Variants in BICC1 observed in about 807,000 individuals in gnomAD.
BICC1 encodes protein bicaudal C homolog 1.
A neutral mutation model predicts 111.0 loss-of-function variants in BICC1; 43 were observed. The ratio of observed to expected loss-of-function variants is 0.39; its 90% confidence interval spans 0.30 to 0.50. The LOEUF (loss-of-function observed/expected upper bound fraction) is 0.50, where lower values mean the gene tolerates loss of function less well. Ranked by LOEUF, BICC1 falls within the 20% of genes least tolerant of loss-of-function variation. The pLI is 0.88. For missense variants in BICC1, 1,091 were observed against 1,203.2 expected (o/e 0.91, Z 1.38); for synonymous variants, 467 against 434.4 (o/e 1.07, Z -0.93).
At chr10:58,651,875 A>G (rs1339530818) in intron 2 of BICC1, among the ~76,000 whole-genome samples, 1 of 152,176 alleles carries the variant, frequency 6.6e-6, no homozygotes, top group Non-Finnish European at 1.5e-5. Context: ...AAAGGTAGAC[A>G]TGATTAAGTA....
chr10:58,724,912 G>A (rs1841054696), intron 3 of BICC1, among the ~76,000 whole-genome samples: 1 of 152,192 alleles, frequency 6.6e-6, no homozygotes, highest in Non-Finnish European at 1.5e-5. Context: ...GAGTTCCTGA[G>A]GATCTCATTG....
intron 11 of BICC1, among the ~76,000 whole-genome samples, chr10:58,798,814 C>T (rs1843442188): frequency 6.6e-6 from 1 of 152,050 alleles, no homozygotes; most frequent in Non-Finnish European, 1.5e-5. Flanking sequence ...GTTGGAGTAA[C>T]TTGCTGGTAG....
intron 1 of BICC1, among the ~76,000 whole-genome samples, chr10:58,585,851 C>T (rs1263787125): frequency 1.3e-5 from 2 of 151,958 alleles, no homozygotes; most frequent in Non-Finnish European, 2.9e-5. Flanking sequence ...GATGACGTAC[C>T]TTCAGAGAGG....
chr10:58,605,214 T>C (rs557325662), intron 1 of BICC1, among the ~76,000 whole-genome samples: 1 of 152,144 alleles, frequency 6.6e-6, no homozygotes, highest in Non-Finnish European at 1.5e-5. Flanking sequence ...TCACGTAATA[T>C]ATACGCATAG....
At chr10:58,747,349 T>A (rs1398752774) in intron 3 of BICC1, among the ~76,000 whole-genome samples, 1 of 152,088 alleles carries the variant, frequency 6.6e-6, no homozygotes, top group Non-Finnish European at 1.5e-5. Context: ...ATCTTTGTAT[T>A]TAAAAAAATA....
intron 1 of BICC1, among the ~76,000 whole-genome samples, chr10:58,514,919 T>C (rs938960339): frequency 3.1e-4 from 47 of 152,222 alleles, no homozygotes; most frequent in African/African-American, 1.0e-3. Flanking sequence ...TAGTAGCACA[T>C]ACTCATCCTT....
At chr10:58,651,397 G>A (rs970076639) in intron 2 of BICC1, among the ~76,000 whole-genome samples, 4 of 152,192 alleles carry the variant, frequency 2.6e-5, no homozygotes, top group African/African-American at 9.6e-5. Flanking sequence ...CTTCATACCA[G>A]CAGCATCTGT....
chr10:58,663,795 G>C (rs982796668), intron 2 of BICC1, among the ~76,000 whole-genome samples: 1 of 152,200 alleles, frequency 6.6e-6, no homozygotes, highest in Non-Finnish European at 1.5e-5. Context: ...AAAGGTTGGA[G>C]ATGGTTGGTT....
At chr10:58,693,102 C>T (rs543820770) in intron 2 of BICC1, among the ~76,000 whole-genome samples, 38 of 152,136 alleles carry the variant, frequency 2.5e-4, no homozygotes, top group African/African-American at 8.9e-4. Flanking sequence ...TGAGTGAGAA[C>T]ATGCGGTGTT....
chr10:58,639,782 G>T (rs1838068328), intron 2 of BICC1, among the ~76,000 whole-genome samples: 1 of 121,986 alleles, frequency 8.2e-6, no homozygotes, highest in African/African-American at 3.2e-5. Context: ...GGTACATCTT[G>T]GCTCAATGAA....
rs1426786585 is a variant in BICC1, at chr10:58,715,406, C to G, written c.307+13263C>G. The G allele has an allele frequency of 1.5e-5, 9 of 591,270 alleles. No individual in the cohort carries two copies. In the Middle Eastern group the frequency reaches 2.0e-3, roughly 134 times the overall value. 36.6% of individuals were successfully genotyped at this position (591,270 alleles called of 1,614,324 possible). On this transcript the variant is annotated intron_variant, in intron 3 of 20. Coordinates refer to ENST00000373886, the MANE Select transcript of BICC1 (RefSeq NM_001080512.3). ...CATTAATTAAAATGGGCTTATTCTA[C>G]ACACACATTTCTACCATTGGATTTT...
chr10:58,696,141 A>G (rs1840058326), intron 2 of BICC1, among the ~76,000 whole-genome samples: 1 of 152,098 alleles, frequency 6.6e-6, no homozygotes, highest in Non-Finnish European at 1.5e-5. Flanking sequence ...GCAATTTTAT[A>G]TTTATTTGGT....
At chr10:58,760,534 G>A (rs552232464) in intron 3 of BICC1, among the ~76,000 whole-genome samples, 3 of 152,240 alleles carry the variant, frequency 2.0e-5, no homozygotes, top group East Asian at 1.9e-4. Flanking sequence ...GTAATCTACT[G>A]TAAGCAGACT....
intron 1 of BICC1, among the ~76,000 whole-genome samples, chr10:58,553,043 G>C (rs1843340726): frequency 6.6e-6 from 1 of 151,950 alleles, no homozygotes; most frequent in African/African-American, 2.4e-5. Context: ...TTGTTCTTTT[G>C]TCTTTCCCTT....
intron 2 of BICC1, among the ~76,000 whole-genome samples, chr10:58,621,902 A>AT (rs984638546): frequency 1.2e-4 from 5 of 40,208 alleles, no homozygotes; most frequent in Admixed American, 1.0e-3. Context: ...TGTCTCTAAA[A>AT]TTAGAATAGA....
At chr10:58,555,306 ATTTTTTTTTTTTTTT>A (rs61692850) in intron 1 of BICC1, among the ~76,000 whole-genome samples, 4 of 102,536 alleles carry the variant, frequency 3.9e-5, no homozygotes, top group Non-Finnish European at 7.6e-5. Context: ...GCTGTTGGAC[ATTTTTTTTTTTTTTT>A]TTTTTTTTTT....
intron 1 of BICC1, among the ~76,000 whole-genome samples, chr10:58,547,852 T>A (rs977339107): frequency 1.3e-5 from 2 of 152,128 alleles, no homozygotes; most frequent in Admixed American, 6.6e-5. Context: ...TTTCTTAATT[T>A]CTGGCACTAC....
chr10:58,608,566 G>A (rs1845310249), intron 1 of BICC1, among the ~76,000 whole-genome samples: 1 of 152,116 alleles, frequency 6.6e-6, no homozygotes, highest in South Asian at 2.1e-4. Context: ...TTGAATTCCT[G>A]TGCTTAATCA....
intron 1 of BICC1, among the ~76,000 whole-genome samples, chr10:58,514,453 T>C (rs10826199): frequency 0.51 from 77,659 of 152,084 alleles, 20,301 homozygotes; most frequent in African/African-American, 0.61. Flanking sequence ...AGTATGGGAA[T>C]GATTTAGCCC....
Sources: gnomAD v4.1 joint callset for allele counts (sites outside exome capture counted in the v4.1 genomes callset) on GRCh38, gnomAD v4.1.1 for gene constraint, MANE v1.5 for transcripts, NCBI Gene and HGNC (gene_info 2026-07-23, HGNC 2026-07-21) for gene names.